KANK1: variants seen among roughly 807,000 people sequenced by gnomAD.
KANK1 encodes KN motif and ankyrin repeat domain-containing protein 1.
Under a neutral mutation model 106.2 loss-of-function variants are expected in KANK1, and 109 were observed. That is an observed-to-expected ratio of 1.03 (90% confidence interval 0.88 to 1.20). The LOEUF (loss-of-function observed/expected upper bound fraction) is 1.20, where lower values mean the gene tolerates loss of function less well. Ranked by LOEUF, KANK1 falls within the 50% of genes most tolerant of loss-of-function variation. The pLI is 0.00. For missense variants in KANK1, 2,399 were observed against 1,710.7 expected, an observed-to-expected ratio of 1.40 and a Z score of -7.10; for synonymous variants, 873 against 652.2, an observed-to-expected ratio of 1.34 and a Z score of -5.16.
At chr9:701,033 T>C (rs1436781442) in intron 2 of KANK1, among the ~76,000 whole-genome samples, 1 of 152,224 alleles carries the variant, frequency 6.6e-6, no homozygotes, top group Non-Finnish European at 1.5e-5. Flanking sequence ...TGAATGCTTT[T>C]CTTTACTCAA....
In KANK1 at chr9:712,824, C is replaced by T. The variant is rs766895129; in HGVS notation, c.2058C>T (p.Thr686=). 5.0e-6 allele frequency: 8 copies of T among 1,613,862 alleles called. No individual in the cohort carries two copies. The highest frequency in any genetic ancestry group is 4.5e-5 in the East Asian group (2 of 44,860). The change falls in exon 3 of 12, where the codon ACC becomes ACT. Residue 686 remains threonine, a synonymous_variant. Coordinates refer to ENST00000382297, the MANE Select transcript of KANK1 (RefSeq NM_015158.5). ...DLEQVHQFTN[T]ETATLIESCT... Reference sequence around the variant, plus strand: ...AACAGGTGCACCAGTTCACCAACACCGAGACGGCCACCCTCATAGAGTCCT... The same window carrying T: ...AACAGGTGCACCAGTTCACCAACACTGAGACGGCCACCCTCATAGAGTCCT...
At chr9:735,372 A>G (rs1446874074) in intron 7 of KANK1, among the ~76,000 whole-genome samples, 2 of 152,252 alleles carry the variant, frequency 1.3e-5, no homozygotes, top group Non-Finnish European at 2.9e-5. Context: ...CAGAGCAAAC[A>G]GCAAAGAGTT....
intron 1 of KANK1, among the ~76,000 whole-genome samples, chr9:581,622 A>C (rs368784293): frequency 1.2e-4 from 18 of 152,156 alleles, no homozygotes; most frequent in African/African-American, 4.3e-4. Context: ...TGCTAAATAG[A>C]CTTAATCTTG....
intron 1 of KANK1, among the ~76,000 whole-genome samples, chr9:555,041 G>A (rs1429517657): frequency 1.3e-5 from 2 of 152,134 alleles, no homozygotes; most frequent in Non-Finnish European, 2.9e-5. Context: ...AGTCAAGTTG[G>A]CACGTGAAAT....
rs1003354655 is a variant in KANK1, at chr9:742,425, C to T, written c.3897+20C>T. ...GACAACGTAAGCTGTCTCCATTGGG[C>T]CTCCTGGCCAGGGGTCTGGGGGACT... is the stretch of plus-strand genomic sequence containing the variant. On this transcript the variant is annotated intron_variant, in intron 10 of 11. Transcript: ENST00000382297. The T allele has an allele frequency of 6.3e-7, 1 of 1,594,750 alleles. No homozygotes were observed. The highest frequency in any genetic ancestry group is 1.3e-5 in the African/African-American group (1 of 74,620).
rs372578431 is a variant in KANK1 at position 721,956 on chromosome 9, T to C, written c.2699-8095T>C. 1.5e-3 allele frequency among the ~76,000 whole-genome samples: 223 copies of C among 152,302 alleles called. 3 individuals are homozygous for C. Among genetic ancestry groups the C allele is most frequent in the African/African-American group, 5.1e-3 (212 of 41,554 alleles). ...AGAGCTGTCATTAGCCTTTCCCATC[T>C]CCATAGCTCACACCTCAGGATTGAG... On this transcript the variant is annotated intron_variant, in intron 3 of 11. Transcript: ENST00000382297.
Position 562,045 on chromosome 9 carries a change from T to TC in KANK1, c.-84+57291_-84+57292insC, listed in dbSNP as rs1040327162. 2.6e-3 allele frequency among the ~76,000 whole-genome samples: 355 copies of TC among 137,212 alleles called. 2 individuals are homozygous for TC. The highest frequency in any genetic ancestry group is 4.3e-3 in the Non-Finnish European group (269 of 62,726). 90.0% of individuals were successfully genotyped at this position (137,212 alleles called of 152,430 possible). ...CCAAGTAAGTAAATTGCATTTTCTT[T>TC]TTTTTTTTTTTTTTTTTTGAGACGG... is the stretch of plus-strand genomic sequence containing the variant. On this transcript the variant is annotated intron_variant, in intron 1 of 11. Transcript: ENST00000382297.
chr9:602,770 C>G (rs1433818815), intron 1 of KANK1, among the ~76,000 whole-genome samples: 1 of 151,814 alleles, frequency 6.6e-6, no homozygotes, highest in East Asian at 1.9e-4. Flanking sequence ...AGCCTGTTCT[C>G]CTTGATGATT....
chr9:504,467 G>A (rs992110162), upstream of KANK1, among the ~76,000 whole-genome samples: 1 of 151,644 alleles, frequency 6.6e-6, no homozygotes, highest in African/African-American at 2.4e-5. Flanking sequence ...CGCCCCCGCG[G>A]GGAGCCGGGC....
chr9:601,339 T>G (rs1827692600), intron 1 of KANK1, among the ~76,000 whole-genome samples: 1 of 151,844 alleles, frequency 6.6e-6, no homozygotes, highest in Non-Finnish European at 1.5e-5. Flanking sequence ...TTCTTTATGT[T>G]CCATGATCCA....
intron 1 of KANK1, among the ~76,000 whole-genome samples, chr9:666,089 G>A (rs186019026): frequency 3.7e-4 from 56 of 151,264 alleles, no homozygotes; most frequent in African/African-American, 1.3e-3. Flanking sequence ...GCTGAAGTCA[G>A]AGGATCGCTT....
intron 1 of KANK1, among the ~76,000 whole-genome samples, chr9:508,444 A>G (rs761570497): frequency 1.2e-4 from 18 of 152,186 alleles, no homozygotes; most frequent in Non-Finnish European, 2.5e-4. Flanking sequence ...GCCTGTAGCT[A>G]TACATCTTAA....
At chr9:606,413 G>A (rs1219307557) in intron 1 of KANK1, among the ~76,000 whole-genome samples, 4 of 146,796 alleles carry the variant, frequency 2.7e-5, no homozygotes, top group East Asian at 1.9e-4. Flanking sequence ...AAAATTAGCC[G>A]GGTGTGGTGG....
At chr9:562,500 C>G (rs1816760459) in intron 1 of KANK1, among the ~76,000 whole-genome samples, 1 of 152,160 alleles carries the variant, frequency 6.6e-6, no homozygotes. Context: ...TGACCTAAAG[C>G]TCAGCTGCAG....
At chr9:726,091 A>G (rs1412841508) in intron 3 of KANK1, among the ~76,000 whole-genome samples, 1 of 152,172 alleles carries the variant, frequency 6.6e-6, no homozygotes, top group African/African-American at 2.4e-5. Flanking sequence ...AAATATAATT[A>G]TTTACTAATG....
chr9:525,130 G>A (rs934489786), intron 1 of KANK1, among the ~76,000 whole-genome samples: 1 of 151,134 alleles, frequency 6.6e-6, no homozygotes, highest in East Asian at 1.9e-4. Flanking sequence ...AAGTAGCTGG[G>A]ACTACAGGCA....
At chr9:581,278 G>A (rs1202855285) in intron 1 of KANK1, among the ~76,000 whole-genome samples, 2 of 152,230 alleles carry the variant, frequency 1.3e-5, no homozygotes, top group Non-Finnish European at 2.9e-5. Context: ...GGCGCCGAGA[G>A]CAGGCAAGGG....
intron 1 of KANK1, among the ~76,000 whole-genome samples, chr9:622,437 C>T (rs1050547641): frequency 6.6e-6 from 1 of 152,028 alleles, no homozygotes; most frequent in Non-Finnish European, 1.5e-5. Flanking sequence ...GGATCTAGTA[C>T]GTACCTGGAG....
At chr9:742,141 C>A in intron 9 of KANK1, 64 bp from the exon 10 acceptor site, 4 of 1,393,822 alleles carry the variant, frequency 2.9e-6, no homozygotes, top group Non-Finnish European at 1.0e-6. Flanking sequence ...AGCACAGCCC[C>A]ACTAGAGGCC....
Sources: allele counts gnomAD v4.1 joint callset (sites outside exome capture counted in the v4.1 genomes callset), GRCh38; gene constraint gnomAD v4.1.1; transcripts MANE v1.5; gene names NCBI Gene and HGNC (gene_info 2026-07-23, HGNC 2026-07-21).